The following NR3C2 variants were observed in gnomAD, a reference collection of about 807,000 sequenced individuals.
NR3C2 encodes mineralocorticoid receptor.
In NR3C2, 15 loss-of-function variants were observed where a neutral mutation model predicts 86.4. That is an observed-to-expected ratio of 0.17 (90% confidence interval 0.12 to 0.27). The LOEUF (loss-of-function observed/expected upper bound fraction) is 0.27, where lower values mean the gene tolerates loss of function less well. Ranked by LOEUF, NR3C2 falls within the 10% of genes least tolerant of loss-of-function variation. The probability of loss-of-function intolerance (pLI) is 1.00; values close to 1 mark genes in which losing one functional copy is unlikely to be tolerated. For synonymous variants in NR3C2, 458 were observed against 450.5 expected (o/e 1.02, Z -0.21); for missense variants, 960 against 1,195.6 (o/e 0.80, Z 2.91).
At chr4:148,112,387 C>T (rs1169012585) in intron 8 of NR3C2, among the ~76,000 whole-genome samples, 3 of 152,218 alleles carry the variant, frequency 2.0e-5, no homozygotes, top group African/African-American at 7.2e-5. Flanking sequence ...ATTCTATTCT[C>T]TACTCAGAGG....
chr4:148,127,250 C>T (rs1732795600), intron 6 of NR3C2, among the ~76,000 whole-genome samples: 1 of 151,916 alleles, frequency 6.6e-6, no homozygotes, highest in Non-Finnish European at 1.5e-5. Flanking sequence ...TTTTTTTGCA[C>T]AATTAAATTA....
intron 2 of NR3C2, among the ~76,000 whole-genome samples, chr4:148,319,805 C>T (rs954257268): frequency 2.7e-5 from 4 of 149,152 alleles, no homozygotes; most frequent in African/African-American, 5.1e-5. Context: ...TCTAGATATA[C>T]AATCATGTCG....
At chr4:148,231,548 G>T (rs1738463044) in intron 3 of NR3C2, among the ~76,000 whole-genome samples, 1 of 152,162 alleles carries the variant, frequency 6.6e-6, no homozygotes, top group Admixed American at 6.6e-5. Flanking sequence ...AACTGCTAAT[G>T]ATCATCAGCC....
intron 2 of NR3C2, among the ~76,000 whole-genome samples, chr4:148,353,641 C>T (rs1195997913): frequency 6.6e-6 from 1 of 152,084 alleles, no homozygotes; most frequent in Admixed American, 6.6e-5. Flanking sequence ...ATGAGTTTTA[C>T]TTTTACAGAG....
chr4:148,296,044 CAAAAAAAAAAAA>C (rs529710200), intron 2 of NR3C2, among the ~76,000 whole-genome samples: 1 of 73,962 alleles, frequency 1.4e-5, no homozygotes, highest in African/African-American at 5.4e-5. Flanking sequence ...GAGCTGAGGC[CAAAAAAAAAAAA>C]AAAAAAAAAA....
intron 3 of NR3C2, among the ~76,000 whole-genome samples, chr4:148,256,125 C>T (rs1739820172): frequency 6.6e-6 from 1 of 152,190 alleles, no homozygotes; most frequent in South Asian, 2.1e-4. Context: ...GCCACAGAGG[C>T]TTGTTACAGG....
chr4:148,368,362 T>C (rs1746254441), intron 2 of NR3C2: 1 of 152,290 alleles, frequency 6.6e-6, no homozygotes, highest in South Asian at 2.1e-4. Context: ...TGGGTTGGGA[T>C]GTGCTTCAAT....
intron 4 of NR3C2, among the ~76,000 whole-genome samples, chr4:148,158,251 C>A (rs1734493859): frequency 6.6e-6 from 1 of 152,092 alleles, no homozygotes; most frequent in Non-Finnish European, 1.5e-5. Flanking sequence ...AAAAACTAGA[C>A]AAAACAGAAA....
At chr4:148,240,400 T>C (rs955637193) in intron 3 of NR3C2, among the ~76,000 whole-genome samples, 1 of 152,016 alleles carries the variant, frequency 6.6e-6, no homozygotes, top group Non-Finnish European at 1.5e-5. Context: ...GTCTACCACA[T>C]TGGACAGTGC....
chr4:148,352,107 C>G (rs926179032), intron 2 of NR3C2, among the ~76,000 whole-genome samples: 2 of 152,150 alleles, frequency 1.3e-5, no homozygotes, highest in African/African-American at 4.8e-5. Context: ...TGTTCCCTTG[C>G]AGACTTCCTT....
chr4:148,130,631 A>G (rs1055612140), intron 6 of NR3C2, among the ~76,000 whole-genome samples: 1 of 152,174 alleles, frequency 6.6e-6, no homozygotes, highest in Non-Finnish European at 1.5e-5. Flanking sequence ...TGATAAATAA[A>G]TATCTGGCAA....
At chr4:148,154,451 A>C (rs998095794) in intron 5 of NR3C2, 100 bp downstream of exon 5, 20 of 1,088,238 alleles carry the variant, frequency 1.8e-5, no homozygotes, top group African/African-American at 4.6e-5. Flanking sequence ...TCAGGATTTC[A>C]TAGAACGCAA....
At chr4:148,219,096 T>C (rs774635517) in intron 3 of NR3C2, among the ~76,000 whole-genome samples, 3 of 152,210 alleles carry the variant, frequency 2.0e-5, no homozygotes, top group Non-Finnish European at 4.4e-5. Flanking sequence ...TGACGTGTTT[T>C]TCCATAACCT....
intron 3 of NR3C2, among the ~76,000 whole-genome samples, chr4:148,226,481 T>C (rs1032238351): frequency 3.9e-5 from 6 of 152,180 alleles, no homozygotes; most frequent in African/African-American, 1.4e-4. Context: ...TGCATATACA[T>C]AGTTTACCCA....
chr4:148,109,197 C>T (rs1731938474), intron 8 of NR3C2, among the ~76,000 whole-genome samples: 1 of 152,170 alleles, frequency 6.6e-6, no homozygotes, highest in Non-Finnish European at 1.5e-5. Context: ...TCCTGCCCAG[C>T]ACAGCTCCTC....
intron 4 of NR3C2, among the ~76,000 whole-genome samples, chr4:148,156,591 A>G (rs1345425073): frequency 1.3e-5 from 2 of 152,220 alleles, no homozygotes; most frequent in African/African-American, 2.4e-5. Flanking sequence ...AATGCAAATC[A>G]AAACCACAAT....
chr4:148,228,546 A>G (rs1332329592), intron 3 of NR3C2, among the ~76,000 whole-genome samples: 4 of 152,166 alleles, frequency 2.6e-5, no homozygotes, highest in African/African-American at 4.8e-5. Flanking sequence ...AAATATCTCC[A>G]TTACATATTA....
intron 2 of NR3C2, among the ~76,000 whole-genome samples, chr4:148,362,251 C>G (rs1561064142): frequency 6.6e-6 from 1 of 152,124 alleles, no homozygotes; most frequent in Non-Finnish European, 1.5e-5. Context: ...TTCTAGTGTT[C>G]TGTACCATTT....
At position 148,132,634 on chromosome 4, in the gene NR3C2, T is replaced by C. The variant is rs146384627; in HGVS notation, c.2511-12346A>G. 5.9e-5 allele frequency among the ~76,000 whole-genome samples: 9 copies of C among 152,312 alleles called. No homozygotes were observed. In the East Asian group the frequency reaches 1.7e-3, roughly 29 times the overall value. ...AGGCTTTGCTAAGACAGTTTATATA[T>C]GGCTTTGACAGAAGAACAGGCTCTA... On this transcript the variant is annotated intron_variant, in intron 6 of 8. Transcript: ENST00000358102.
Sources: gnomAD v4.1 joint callset for allele counts (sites outside exome capture counted in the v4.1 genomes callset) on GRCh38, gnomAD v4.1.1 for gene constraint, MANE v1.5 for transcripts, NCBI Gene and HGNC (gene_info 2026-07-23, HGNC 2026-07-21) for gene names.